The following RABGAP1L variants were observed in gnomAD, a reference collection of about 807,000 sequenced individuals.
RABGAP1L encodes the protein RAB GTPase activating protein 1 like.
Under a neutral mutation model 137.7 loss-of-function variants are expected in RABGAP1L, and 63 were observed. The observed-to-expected ratio is 0.46, with a 90% CI of 0.37 to 0.56. The LOEUF (loss-of-function observed/expected upper bound fraction) is 0.56, where lower values mean the gene tolerates loss of function less well. RABGAP1L is among the 20% of genes least tolerant of loss of function. The pLI is 0.00. For missense variants in RABGAP1L, 1,095 were observed against 1,244.0 expected, an observed-to-expected ratio of 0.88 and a Z score of 1.80; for synonymous variants, 431 against 433.7, an observed-to-expected ratio of 0.99 and a Z score of 0.08.
chr1:174,711,447 A>C (rs1558007306), intron 17 of RABGAP1L, among the ~76,000 whole-genome samples: 1 of 151,962 alleles, frequency 6.6e-6, no homozygotes, highest in Non-Finnish European at 1.5e-5. Context: ...GCGGGCCAGA[A>C]CGAGTTCCAG....
At chr1:174,730,452 C>G (rs1175379524) in intron 17 of RABGAP1L, among the ~76,000 whole-genome samples, 1 of 152,136 alleles carries the variant, frequency 6.6e-6, no homozygotes, top group South Asian at 2.1e-4. Flanking sequence ...GCATATGTAT[C>G]CCCTGAATCT....
chr1:174,714,143 A>C (rs1680809391), intron 17 of RABGAP1L, among the ~76,000 whole-genome samples: 1 of 151,818 alleles, frequency 6.6e-6, no homozygotes, highest in Admixed American at 6.6e-5. Context: ...ACATTTGTAT[A>C]TTTTTTAGGA....
chr1:174,238,630 G>A (rs967176165), intron 4 of RABGAP1L, among the ~76,000 whole-genome samples: 1 of 150,528 alleles, frequency 6.6e-6, no homozygotes, highest in Non-Finnish European at 1.5e-5. Context: ...CCCGTTCTCA[G>A]ATCTCCAGCT....
chr1:174,805,125 AT>A (rs1689161872), intron 18 of RABGAP1L, among the ~76,000 whole-genome samples: 1 of 152,204 alleles, frequency 6.6e-6, no homozygotes, highest in African/African-American at 2.4e-5. Flanking sequence ...TGAATATTGG[AT>A]ATGCTTGAAG....
chr1:174,436,635 G>A (rs1653352641), intron 13 of RABGAP1L, among the ~76,000 whole-genome samples: 2 of 152,232 alleles, frequency 1.3e-5, no homozygotes, highest in South Asian at 2.1e-4. Flanking sequence ...AGTTTCTTTT[G>A]CTGTGCAGAA....
At position 174,784,953 on chromosome 1, in the gene RABGAP1L, C is replaced by T. The variant is rs915234146; in HGVS notation, c.2212-26879C>T. Among the ~76,000 whole-genome samples the T allele has an allele frequency of 2.6e-5, 4 of 152,128 alleles. No individual in the cohort carries two copies. In the East Asian group the frequency reaches 7.7e-4, roughly 29 times the overall value. ...AAGATGGCATATTTTAAATAGGACC[C>T]ATTGTATTCTCAGTAGCATTTAAAT... is the stretch of plus-strand genomic sequence containing the variant. On this transcript the variant is annotated intron_variant, in intron 18 of 25. Transcript: ENST00000681986.
chr1:174,852,381 C>G (rs1648519212), intron 19 of RABGAP1L, among the ~76,000 whole-genome samples: 1 of 152,156 alleles, frequency 6.6e-6, no homozygotes, highest in African/African-American at 2.4e-5. Flanking sequence ...AGTTGTGATG[C>G]TTTTTCTTTT....
chr1:174,964,845 G>C, intron 20 of RABGAP1L: 1 of 1,415,754 alleles, frequency 7.1e-7, no homozygotes, highest in Non-Finnish European at 9.2e-7. Context: ...AAAAGCAAAA[G>C]AGCATTAAGA....
chr1:174,564,805 T>C (rs888142404), intron 13 of RABGAP1L, among the ~76,000 whole-genome samples: 1 of 152,146 alleles, frequency 6.6e-6, no homozygotes, highest in African/African-American at 2.4e-5. Context: ...TTTAGAATTC[T>C]CTAGATCCTA....
intron 13 of RABGAP1L, among the ~76,000 whole-genome samples, chr1:174,500,395 A>G (rs1320036140): frequency 2.0e-5 from 3 of 152,082 alleles, no homozygotes; most frequent in Non-Finnish European, 2.9e-5. Flanking sequence ...GTTTCTTATA[A>G]GTGGAACGCT....
intron 13 of RABGAP1L, among the ~76,000 whole-genome samples, chr1:174,527,901 C>CTTTTTTTTTTTTTTTTTTTTTTTCTTT (rs57707616): frequency 8.0e-6 from 1 of 124,850 alleles, no homozygotes; most frequent in African/African-American, 3.1e-5. Context: ...ATATACTTGT[C>CTTTTTTTTTTTTTTTTTTTTTTTCTTT]TTTTTTTTTT....
chr1:174,290,033 G>C (rs1487588449), intron 10 of RABGAP1L, among the ~76,000 whole-genome samples: 1 of 152,210 alleles, frequency 6.6e-6, no homozygotes, highest in Non-Finnish European at 1.5e-5. Context: ...TATACTCTGG[G>C]CTGCTGGCTT....
In RABGAP1L at chr1:174,918,854, T is replaced by TA. The variant is rs1272640220; in HGVS notation, c.2341-38599dup. 2.6e-5 allele frequency among the ~76,000 whole-genome samples: 4 copies of TA among 151,914 alleles called. No homozygotes were observed. In the East Asian group the frequency reaches 7.7e-4, roughly 29 times the overall value. On this transcript the variant is annotated intron_variant, in intron 19 of 25. Coordinates refer to ENST00000681986, the MANE Select transcript of RABGAP1L (RefSeq NM_001366446.1). ...CCGATCTCTACACAAAATTCAAAAT[T>TA]AAAATTTAAAAATTTGTCTCGTACA...
intron 11 of RABGAP1L, among the ~76,000 whole-genome samples, chr1:174,341,444 A>G (rs527284094): frequency 6.6e-6 from 1 of 152,342 alleles, no homozygotes; most frequent in East Asian, 1.9e-4. Context: ...GTTGTAGAAT[A>G]GGATGGCATT....
In RABGAP1L at chr1:174,957,528, A is replaced by G; in HGVS notation, c.2412A>G (p.Glu804=). 2 of 1,609,630 alleles carry G rather than the reference A, an allele frequency of 1.2e-6. No individual in the cohort carries two copies. Among genetic ancestry groups the G allele is most frequent in the Middle Eastern group, 1.7e-4 (1 of 6,054 alleles). Reference sequence around the variant, plus strand: ...TGCGAGAGAGTCAGCTGCAACAGGAAGACCCAATGGATAGATACAAGGTAT... The same window carrying G: ...TGCGAGAGAGTCAGCTGCAACAGGAGGACCCAATGGATAGATACAAGGTAT... The part of the protein sequence containing the change: ...QTMRESQLQQ[E]DPMDRYKREN... The change falls in exon 20 of 26, where the codon GAA becomes GAG. Residue 804 remains glutamate, a synonymous_variant. Coordinates refer to ENST00000681986, the MANE Select transcript of RABGAP1L (RefSeq NM_001366446.1).
rs562808835 is a variant in RABGAP1L, at chr1:174,430,108, C to T, written c.1710+35963C>T. Among the ~76,000 whole-genome samples the T allele has an allele frequency of 7.9e-5, 12 of 152,184 alleles. 1 individual carries two copies. The South Asian group carries it at 2.3e-3, about 29-fold the overall frequency. On this transcript the variant is annotated intron_variant, in intron 13 of 25. Coordinates refer to ENST00000681986, the MANE Select transcript of RABGAP1L (RefSeq NM_001366446.1). ...TTAGCTTAAACCCTTCACAGGGCTG[C>T]GTGCAGTGGCTCACCCTTGTTATTC...
At chr1:174,611,530 G>A (rs1390865812) in intron 13 of RABGAP1L, among the ~76,000 whole-genome samples, 2 of 148,812 alleles carry the variant, frequency 1.3e-5, no homozygotes, top group Non-Finnish European at 3.0e-5. Context: ...GATTGACTTG[G>A]CGATGCGGGC....
chr1:174,337,584 C>T (rs1428331339), intron 11 of RABGAP1L, among the ~76,000 whole-genome samples: 3 of 152,088 alleles, frequency 2.0e-5, no homozygotes, highest in Non-Finnish European at 4.4e-5. Context: ...GAAGATTAAG[C>T]TGGAAGTAAG....
intron 18 of RABGAP1L, among the ~76,000 whole-genome samples, chr1:174,795,150 C>G (rs964267850): frequency 5.9e-5 from 9 of 152,074 alleles, no homozygotes; most frequent in African/African-American, 1.9e-4. Context: ...TTCTCTTACT[C>G]TCTCTTATTG....
Sources: gnomAD v4.1 joint callset for allele counts (sites outside exome capture counted in the v4.1 genomes callset) on GRCh38, gnomAD v4.1.1 for gene constraint, MANE v1.5 for transcripts, NCBI Gene and HGNC (gene_info 2026-07-23, HGNC 2026-07-21) for gene names.